DNAH17: variants seen among roughly 807,000 people sequenced by gnomAD.
DNAH17 encodes the protein dynein axonemal heavy chain 17.
In DNAH17, 376 loss-of-function variants were observed where a neutral mutation model predicts 485.6. The ratio of observed to expected loss-of-function variants is 0.77; its 90% confidence interval spans 0.71 to 0.84. The LOEUF (loss-of-function observed/expected upper bound fraction) is 0.84, where lower values mean the gene tolerates loss of function less well. DNAH17 is among the 40% of genes least tolerant of loss of function. The pLI, the probability that DNAH17 is intolerant of heterozygous loss-of-function variation, is 0.00. For synonymous variants in DNAH17, 3,031 were observed against 2,405.9 expected, an observed-to-expected ratio of 1.26 and a Z score of -7.60; for missense variants, 6,370 against 5,839.3, an observed-to-expected ratio of 1.09 and a Z score of -2.96.
Position 78,459,048 on chromosome 17 carries a change from G to A in DNAH17, c.9814C>T (p.Leu3272=), listed in dbSNP as rs745627393. 1.2e-6 allele frequency: 2 copies of A among 1,614,056 alleles called. No homozygotes were observed. ...RQALEEANAE[L]AEAQEKLSRI... is the part of the protein sequence containing the mutation. Reference sequence around the variant, plus strand: ...GACAGCTTCTCTTGTGCCTCTGCCAGCTCTGCATTAGCCTCCTCCAGTGCC... The same window carrying A: ...GACAGCTTCTCTTGTGCCTCTGCCAACTCTGCATTAGCCTCCTCCAGTGCC... Residue 3272 remains leucine (L), a synonymous_variant, in exon 61 of 81, where the codon CTG becomes TTG. Coordinates refer to ENST00000389840, the MANE Select transcript of DNAH17 (RefSeq NM_173628.4).
intron 51 of DNAH17, among the ~76,000 whole-genome samples, chr17:78,477,138 C>T (rs865951906): frequency 1.6e-4 from 24 of 152,180 alleles, no homozygotes; most frequent in African/African-American, 5.3e-4. Flanking sequence ...TGACTCTAGG[C>T]AAGCTCGACA....
intron 56 of DNAH17, 34 bp from the exon 57 acceptor site, chr17:78,463,111 C>A (rs752331977): frequency 1.3e-6 from 2 of 1,597,596 alleles, no homozygotes; most frequent in African/African-American, 1.3e-5. Context: ...ATCCCTGGGA[C>A]CCCATCCTGC....
Position 78,452,425 on chromosome 17 carries a change from G to A in DNAH17, c.10530-752C>T, listed in dbSNP as rs151300113. Among the ~76,000 whole-genome samples, 40 of 152,216 alleles carry A rather than the reference G, an allele frequency of 2.6e-4. 1 individual carries two copies. In the East Asian group the frequency reaches 6.2e-3, roughly 24 times the overall value. ...ATGAAGGACTGACACATGCGACCAC[G>A]TGCATGACCCCAAAAAACATGCTAA... On this transcript the variant is annotated intron_variant, in intron 65 of 80. Coordinates refer to ENST00000389840, the MANE Select transcript of DNAH17 (RefSeq NM_173628.4).
At chr17:78,438,239 C>T (rs113541218) in intron 73 of DNAH17, among the ~76,000 whole-genome samples, 7 of 151,068 alleles carry the variant, frequency 4.6e-5, no homozygotes, top group East Asian at 4.0e-4. Flanking sequence ...GGATTGAGGT[C>T]GACACACACT....
chr17:78,558,111 A>T lies in DNAH17; in HGVS notation c.2175T>A (p.Asn725Lys). 6.2e-7 allele frequency: 1 copy of T among 1,613,392 alleles called. No homozygotes were observed. The highest frequency in any genetic ancestry group is 8.5e-7 in the Non-Finnish European group (1 of 1,179,674). Residue 725 changes from asparagine (N) to lysine (K), a missense_variant, in exon 14 of 81, where the codon AAT (asparagine) becomes AAA (lysine). By Grantham distance (94) the Asn-to-Lys change is moderately conservative (BLOSUM62 0). Transcript: ENST00000389840. ...TAGTACCGACTCACCAACTCACCTC[A>T]TTATACCAGCCAACGATGAGCTCCA... ...GNLELIVGWYNEIKTIVKAVE... is the reference protein window; with the variant it reads ...GNLELIVGWYKEIKTIVKAVE...
At chr17:78,523,351 T>G (rs1425774553) in intron 25 of DNAH17, among the ~76,000 whole-genome samples, 1 of 152,120 alleles carries the variant, frequency 6.6e-6, no homozygotes, top group Non-Finnish European at 1.5e-5. Context: ...CTTGAACTCC[T>G]GGCTTCAGGT....
At chr17:78,484,745 C>CCG in intron 48 of DNAH17, 123 bp downstream of exon 48, 2 of 438,024 alleles carry the variant, frequency 4.6e-6, no homozygotes, top group Non-Finnish European at 7.2e-6. Flanking sequence ...CAGCACCCCC[C>CCG]CCACCGCCCC....
At position 78,575,024 on chromosome 17, in the gene DNAH17, G is replaced by C. The variant is rs960900051; in HGVS notation, c.34C>G (p.Leu12Val). 1 of 1,613,880 alleles carries C rather than the reference G, an allele frequency of 6.2e-7. No homozygotes were observed. The highest frequency in any genetic ancestry group is 8.5e-7 in the Non-Finnish European group (1 of 1,179,844). Residue 12 changes from leucine (L) to valine (V), a missense_variant, in exon 2 of 81, where the codon CTG becomes GTG. Coordinates refer to ENST00000389840, the MANE Select transcript of DNAH17 (RefSeq NM_173628.4). ...AGGACGATGGAGGCAACTTCCTCCA[G>C]ATACTCTAGTCTGACGTCCGGGGCC... ...TMAPDVRLEY[L>V]EEVASIVLKF...
intron 48 of DNAH17, among the ~76,000 whole-genome samples, chr17:78,482,367 G>A (rs2089388730): frequency 6.6e-6 from 1 of 152,184 alleles, no homozygotes. Context: ...TGTGTTGGAA[G>A]TTGACGTCTG....
chr17:78,573,640 A>T (rs2143751366), intron 2 of DNAH17, among the ~76,000 whole-genome samples: 1 of 150,684 alleles, frequency 6.6e-6, no homozygotes, highest in South Asian at 2.1e-4. Flanking sequence ...TCAGATTACT[A>T]GGGTGGGCCC....
chr17:78,471,076 A>G (rs1376405464), intron 54 of DNAH17, among the ~76,000 whole-genome samples: 2 of 152,180 alleles, frequency 1.3e-5, no homozygotes, highest in African/African-American at 2.4e-5. Context: ...TTGCTTATCT[A>G]TAATATTTAA....
chr17:78,513,265 C>T (rs2090684654), intron 26 of DNAH17, among the ~76,000 whole-genome samples: 1 of 152,114 alleles, frequency 6.6e-6, no homozygotes. Flanking sequence ...ACTGACCAAA[C>T]AGAATGTTTG....
At position 78,574,938 on chromosome 17, in the gene DNAH17, G is replaced by C; in HGVS notation, c.120C>G (p.Phe40Leu). The change falls in exon 2 of 81, where the codon TTC (phenylalanine) becomes TTG (leucine). Residue 40 changes from phenylalanine to leucine, a missense_variant. Transcript: ENST00000389840. ...CGTCGGGCTTTTCAAAGAACTCTGTGAACAGGGCCACGTTCTCCTCGGCGC... is the reference window on the plus strand; with the variant it reads ...CGTCGGGCTTTTCAAAGAACTCTGTCAACAGGGCCACGTTCTCCTCGGCGC... ...LIGAEENVAL[F>L]TEFFEKPDVQ... The C allele has an allele frequency of 6.2e-7, 1 of 1,614,002 alleles. No individual in the cohort carries two copies. The highest frequency in any genetic ancestry group is 1.3e-5 in the African/African-American group (1 of 75,048).
chr17:78,531,463 C>T (rs992921324), intron 20 of DNAH17, among the ~76,000 whole-genome samples: 9 of 151,782 alleles, frequency 5.9e-5, no homozygotes, highest in African/African-American at 1.9e-4. Flanking sequence ...CTCAGCCTCC[C>T]GAGTAGCTGG....
chr17:78,514,416 A>C (rs1364613771), intron 26 of DNAH17, among the ~76,000 whole-genome samples: 1 of 149,528 alleles, frequency 6.7e-6, no homozygotes, highest in Non-Finnish European at 1.5e-5. Context: ...AAGGCAGAAG[A>C]ACTGCTTGAA....
intron 56 of DNAH17, among the ~76,000 whole-genome samples, chr17:78,465,662 C>A: frequency 6.6e-6 from 1 of 150,496 alleles, no homozygotes; most frequent in South Asian, 2.1e-4. Context: ...CCTGGCCGCC[C>A]CGTCTGAGAA....
At chr17:78,507,212 G>A (rs373045977) in intron 29 of DNAH17, 66 bp downstream of exon 29, 27 of 1,567,616 alleles carry the variant, frequency 1.7e-5, no homozygotes, top group Admixed American at 1.5e-4. Flanking sequence ...CTTAAGTTCC[G>A]TCAGACTTAA....
At chr17:78,518,213 A>G (rs1423685258) in intron 25 of DNAH17, among the ~76,000 whole-genome samples, 1 of 152,230 alleles carries the variant, frequency 6.6e-6, no homozygotes, top group African/African-American at 2.4e-5. Flanking sequence ...GAGTGGACGA[A>G]AAAACATGAC....
At chr17:78,495,848 C>T in intron 38 of DNAH17, 27 bp downstream of exon 38, 2 of 1,602,370 alleles carry the variant, frequency 1.2e-6, no homozygotes, top group Middle Eastern at 3.5e-4. Context: ...CTCACTGCAG[C>T]CACTCACTTT....
Sources: allele counts gnomAD v4.1 joint callset (sites outside exome capture counted in the v4.1 genomes callset), GRCh38; gene constraint gnomAD v4.1.1; transcripts MANE v1.5; gene names NCBI Gene and HGNC (gene_info 2026-07-23, HGNC 2026-07-21).